TRIP11: variants seen among roughly 807,000 people sequenced by gnomAD.
TRIP11 encodes thyroid receptor-interacting protein 11.
Under a neutral mutation model 223.1 loss-of-function variants are expected in TRIP11, and 148 were observed. The observed-to-expected ratio is 0.66, with a 90% confidence interval of 0.58 to 0.76. The LOEUF (loss-of-function observed/expected upper bound fraction) is 0.76. Ranked by LOEUF, TRIP11 falls within the 30% of genes least tolerant of loss-of-function variation. The probability of loss-of-function intolerance (pLI) is 0.00; values close to 1 mark genes in which losing one functional copy is unlikely to be tolerated. For missense variants in TRIP11, 2,043 were observed against 2,222.0 expected (o/e 0.92, Z 1.62); for synonymous variants, 762 against 772.6 (o/e 0.99, Z 0.23).
chr14:92,018,869 G>T (rs1459954946), intron 4 of TRIP11, among the ~76,000 whole-genome samples: 2 of 149,610 alleles, frequency 1.3e-5, no homozygotes, highest in Admixed American at 6.7e-5. Context: ...GCTGAGGCAG[G>T]AGAATTGCTT....
At chr14:92,033,299 GAAGT>G in intron 1 of TRIP11, 46 bp from the exon 2 acceptor site, 1 of 1,418,698 alleles carries the variant, frequency 7.0e-7, no homozygotes, top group Non-Finnish European at 1.0e-6. Flanking sequence ...AATACCATAT[GAAGT>G]AATAAATAGG....
intron 4 of TRIP11, among the ~76,000 whole-genome samples, chr14:92,018,304 T>C (rs1036967400): frequency 2.0e-5 from 3 of 152,014 alleles, no homozygotes; most frequent in Non-Finnish European, 2.9e-5. Context: ...TTGCCCAGGC[T>C]GGTCTCGAGC....
chr14:91,981,547 C>T (rs1019750932), intron 16 of TRIP11, among the ~76,000 whole-genome samples: 1 of 151,964 alleles, frequency 6.6e-6, no homozygotes, highest in African/African-American at 2.4e-5. Flanking sequence ...TGTGCCACCA[C>T]ACCTGGCCAA....
chr14:91,989,220 C>T (rs1294148430), intron 15 of TRIP11, among the ~76,000 whole-genome samples: 4 of 152,070 alleles, frequency 2.6e-5, no homozygotes, highest in East Asian at 3.9e-4. Context: ...ATTCCTTGCC[C>T]AATAAATGCC....
chr14:91,975,018 A>C (rs1030206648), intron 18 of TRIP11, among the ~76,000 whole-genome samples, 154 bp downstream of exon 18: 1 of 152,242 alleles, frequency 6.6e-6, no homozygotes, highest in African/African-American at 2.4e-5. Flanking sequence ...CATATTGAAC[A>C]AATCTGCCTC....
intron 11 of TRIP11, 89 bp downstream of exon 11, chr14:92,003,329 TC>T (rs2056851413): frequency 1.3e-6 from 2 of 1,508,880 alleles, no homozygotes; most frequent in African/African-American, 1.4e-5. Flanking sequence ...AAATGCACAG[TC>T]CCCTTCAAAG....
In TRIP11 at chr14:92,010,969, A is replaced by G; in HGVS notation, c.1314+17T>C. The G allele has an allele frequency of 6.2e-7, 1 of 1,612,984 alleles. No individual in the cohort carries two copies. On this transcript the variant is annotated intron_variant, in intron 9 of 20. Transcript: ENST00000267622. ...CACATACCATTTTAATTCTGCCCCC[A>G]TTTTTACAGCACCCACCTTTTCTTG...
rs1595420683 is a variant in TRIP11 at position 92,040,052 on chromosome 14, A to T, written c.-367T>A. 1 of 418,162 alleles carries T rather than the reference A, an allele frequency of 2.4e-6. No individual in the cohort carries two copies. Among genetic ancestry groups the T allele is most frequent in the East Asian group, 4.2e-5 (1 of 23,600 alleles). 25.9% of individuals were successfully genotyped at this position (418,162 alleles called of 1,614,324 possible). ...CCATGACACTCGCTCGGAAAGCGGC[A>T]GCGGATCATAGAAAAGCGCCGCGGT... On this transcript the variant is annotated 5_prime_UTR_variant, in exon 1 of 21. Coordinates refer to ENST00000267622, the MANE Select transcript of TRIP11 (RefSeq NM_004239.4).
At chr14:91,980,415 T>G (rs2056522810) in intron 16 of TRIP11, among the ~76,000 whole-genome samples, 1 of 152,156 alleles carries the variant, frequency 6.6e-6, no homozygotes, top group Middle Eastern at 3.2e-3. Flanking sequence ...ACACAGAACT[T>G]GAGAGTCAGA....
chr14:92,025,983 TAAGAA>T (rs1044748640), intron 2 of TRIP11, among the ~76,000 whole-genome samples: 38 of 152,308 alleles, frequency 2.5e-4, no homozygotes, highest in East Asian at 7.7e-4. Flanking sequence ...GATTTTCTGC[TAAGAA>T]AAGGCCACGA....
chr14:91,981,606 T>A lies in TRIP11; in HGVS notation c.5261-5417A>T, dbSNP rs545659041. 6.5e-4 allele frequency among the ~76,000 whole-genome samples: 99 copies of A among 152,272 alleles called. 1 individual carries two copies. The highest frequency in any genetic ancestry group is 2.2e-3 in the African/African-American group (90 of 41,554). ...CAGGCTTTCACCATGTTGGCCAAGC[T>A]GGTCTCCAACTCCTGACCTCAAGTG... On this transcript the variant is annotated intron_variant, in intron 16 of 20. Coordinates refer to ENST00000267622, the MANE Select transcript of TRIP11 (RefSeq NM_004239.4).
At position 91,967,701 on chromosome 14, in the gene TRIP11, T is replaced by C; in HGVS notation, c.*1972A>G. ...AAATTAAAAGAGAAAACTTTTTACATATTCTATTTCTTAAAAATAAAGGAC... is the reference window on the plus strand; with the variant it reads ...AAATTAAAAGAGAAAACTTTTTACACATTCTATTTCTTAAAAATAAAGGAC... On this transcript the variant is annotated 3_prime_UTR_variant, in exon 21 of 21. Coordinates refer to ENST00000267622, the MANE Select transcript of TRIP11 (RefSeq NM_004239.4). 1 of 193,334 alleles carries C rather than the reference T, an allele frequency of 5.2e-6. No individual in the cohort carries two copies. Among genetic ancestry groups the C allele is most frequent in the Non-Finnish European group, 1.1e-5 (1 of 92,706 alleles). 12.0% of individuals were successfully genotyped at this position (193,334 alleles called of 1,614,324 possible).
intron 4 of TRIP11, among the ~76,000 whole-genome samples, chr14:92,020,540 A>G (rs768275183): frequency 6.6e-5 from 10 of 152,158 alleles, no homozygotes; most frequent in Non-Finnish European, 1.5e-4. Context: ...CATCTAAGCA[A>G]GCGGTTTCAA....
rs973671097 is a variant in TRIP11, at chr14:92,029,294, T to A, written c.202-3874A>T. 8.6e-3 allele frequency among the ~76,000 whole-genome samples: 691 copies of A among 80,776 alleles called. 10 individuals are homozygous for A. Among genetic ancestry groups the A allele is most frequent in the African/African-American group, 0.023 (660 of 28,380 alleles). 53.0% of individuals were successfully genotyped at this position (80,776 alleles called of 152,430 possible). ...CCCAAAGTATTATTTTTTTTTTTTT[T>A]TTTTTTTTTTTTTTTTTTTGAGATG... On this transcript the variant is annotated intron_variant, in intron 2 of 20. Transcript: ENST00000267622.
rs1229781590 is a variant in TRIP11, at chr14:91,976,121, C to T, written c.5329G>A (p.Gly1777Arg). The change falls in exon 17 of 21, where the codon GGA becomes AGA. Residue 1777 changes from glycine (G) to arginine (R), a missense_variant. Physicochemically the swap from Gly to Arg is moderately radical, Grantham distance 125 (BLOSUM62 -2). Transcript: ENST00000267622. ...KLMSLANSSE[G>R]KVDKVLMRNL... ...CAAAAAGCATACTTGTCTACTTTTC[C>T]TTCTGAGCTGTTTGCTAAGCTCATC... 4 of 1,612,264 alleles carry T rather than the reference C, an allele frequency of 2.5e-6. No individual in the cohort carries two copies. The highest frequency in any genetic ancestry group is 1.7e-6 in the Non-Finnish European group (2 of 1,179,702).
At chr14:92,026,521 GCTTT>G (rs2140142092) in intron 2 of TRIP11, 1 of 1,124,984 alleles carries the variant, frequency 8.9e-7, no homozygotes, top group African/African-American at 1.5e-5. Context: ...CTGAACTCTC[GCTTT>G]CTTTTTAATC....
Position 92,030,998 on chromosome 14 carries a change from C to T in TRIP11, c.201+2194G>A, listed in dbSNP as rs545238522. Reference sequence around the variant, plus strand: ...GGGCATGTGGCTCATGCCTGTAATCCCAGCACTTTCAGAGGCCAAGGTGGA... The same window carrying T: ...GGGCATGTGGCTCATGCCTGTAATCTCAGCACTTTCAGAGGCCAAGGTGGA... On this transcript the variant is annotated intron_variant, in intron 2 of 20. Transcript: ENST00000267622. Among the ~76,000 whole-genome samples, 3 of 152,128 alleles carry T rather than the reference C, an allele frequency of 2.0e-5. No homozygotes were observed. In the South Asian group the frequency reaches 6.2e-4, roughly 32 times the overall value.
intron 10 of TRIP11, among the ~76,000 whole-genome samples, chr14:92,007,050 CAG>C (rs1389415253): frequency 6.9e-6 from 1 of 144,968 alleles, no homozygotes; most frequent in East Asian, 2.1e-4. Flanking sequence ...TTTTTTGAGA[CAG>C]AGTCGCTCTG....
chr14:91,999,551 T>TACTGCAAAATGTATTTATGCTAGGA (rs2056795253), intron 12 of TRIP11, 118 bp from the exon 13 acceptor site: 1 of 1,075,864 alleles, frequency 9.3e-7, no homozygotes, highest in South Asian at 1.4e-5. Context: ...CAATTTCTCA[T>TACTGCAAAATGTATTTATGCTAGGA]ACTGCAAAAT....
Sources: gnomAD v4.1 joint callset for allele counts (sites outside exome capture counted in the v4.1 genomes callset) on GRCh38, gnomAD v4.1.1 for gene constraint, MANE v1.5 for transcripts, NCBI Gene and HGNC (gene_info 2026-07-23, HGNC 2026-07-21) for gene names.